The following NSMF variants were observed in gnomAD, a reference collection of about 807,000 sequenced individuals.
NSMF encodes NMDA receptor synaptonuclear signaling and neuronal migration factor, also known as nasal embryonic LHRH factor.
NSMF carries 31 observed loss-of-function variants against 71.0 expected under a neutral mutation model. That is an observed-to-expected ratio of 0.44 (90% CI 0.33 to 0.59). The LOEUF is 0.59. Among genes scored for constraint, NSMF ranks in the 20% least tolerant of loss-of-function variants. The pLI, the probability that NSMF is intolerant of heterozygous loss-of-function variation, is 0.04. For missense variants in NSMF, 673 were observed against 740.5 expected (o/e 0.91, Z 1.06); for synonymous variants, 345 against 287.1 (o/e 1.20, Z -2.04).
rs549847445 is a variant in NSMF, at chr9:137,455,380, C to T, written c.711-73G>A. The T allele has an allele frequency of 1.3e-5, 20 of 1,537,230 alleles. 1 individual carries two copies. In the South Asian group the frequency reaches 1.8e-4, roughly 14 times the overall value. On this transcript the variant is annotated intron_variant, in intron 5 of 15. Coordinates refer to ENST00000371475, the MANE Select transcript of NSMF (RefSeq NM_001130969.3). ...GGACACAGACGTCGGGACAGTGGTG[C>T]GAGCAGAGGGCCCAGCAGGGCGTCT...
In NSMF at chr9:137,453,582, C is replaced by T. The variant is rs886916925; in HGVS notation, c.922+149G>A. ...AGCCCCGCCTTTGCGATCGGAGATGCTGAGGGCGTCCCCATCTCACAAACA... is the reference window on the plus strand; with the variant it reads ...AGCCCCGCCTTTGCGATCGGAGATGTTGAGGGCGTCCCCATCTCACAAACA... On this transcript the variant is annotated intron_variant, in intron 8 of 15. Coordinates refer to ENST00000371475, the MANE Select transcript of NSMF (RefSeq NM_001130969.3). This position sits in a 1 kb window ranked among gnomAD's most constrained non-coding sequence, Gnocchi z 4.5. The T allele has an allele frequency of 1.5e-6, 1 of 659,476 alleles. No individual in the cohort carries two copies. The allele number at this position is 659,476 out of a possible 1,614,324, so 40.9% of individuals were successfully genotyped here.
Position 137,456,527 on chromosome 9 carries a change from G to A in NSMF, c.629-41C>T, listed in dbSNP as rs1407000187. ...AGGAGCGGTGGCTGGGTGAAGTAGGGGTTCCTGAAGCCTCTCCCTCCCTGT... is the reference window on the plus strand; with the variant it reads ...AGGAGCGGTGGCTGGGTGAAGTAGGAGTTCCTGAAGCCTCTCCCTCCCTGT... On this transcript the variant is annotated intron_variant, in intron 3 of 15. Transcript: ENST00000371475. 28 of 1,368,834 alleles carry A rather than the reference G, an allele frequency of 2.0e-5. No homozygotes were observed. In the Admixed American group the frequency reaches 4.4e-4, roughly 21 times the overall value. 84.8% of individuals were successfully genotyped at this position (1,368,834 alleles called of 1,614,324 possible). A position where few individuals can be genotyped will look rare whatever the true frequency, so the allele number is the denominator to read the frequency against.
rs1307504700 is a variant in NSMF at position 137,455,257 on chromosome 9, G to A, written c.761C>T (p.Ser254Phe). The change falls in exon 6 of 16, where the codon TCC becomes TTC. Residue 254 changes from serine to phenylalanine, a missense_variant. Ser to Phe is a radical substitution (Grantham distance 155). Transcript: ENST00000371475. ...ERKRRKRENDSASVIQRNFRK... is the reference protein window; with the variant it reads ...ERKRRKRENDFASVIQRNFRK... ...GCCCTACCTCTGGATTACAGACGCG[G>A]AATCATTCTCCCGTTTCCGGCGCTT... is the stretch of plus-strand genomic sequence containing the variant. 1 of 1,612,712 alleles carries A rather than the reference G, an allele frequency of 6.2e-7. No homozygotes were observed. Among genetic ancestry groups the A allele is most frequent in the African/African-American group, 1.3e-5 (1 of 74,950 alleles).
rs370402787 is a variant in NSMF, at chr9:137,450,147, C to G, written c.1316+29G>C. On this transcript the variant is annotated intron_variant, in intron 13 of 15. Coordinates refer to ENST00000371475, the MANE Select transcript of NSMF (RefSeq NM_001130969.3). ...GGGCCTGGACTCTGCCTCCAGCCCT[C>G]CCCGCGCCCAGGGCACCCGGCTTCT... 410 of 1,607,626 alleles carry G rather than the reference C, an allele frequency of 2.6e-4. 1 individual carries two copies. The highest frequency in any genetic ancestry group is 1.3e-3 in the Middle Eastern group (8 of 6,000).
chr9:137,455,398 G>T, intron 5 of NSMF, 91 bp from the exon 6 acceptor site: 1 of 1,432,542 alleles, frequency 7.0e-7, no homozygotes, highest in Non-Finnish European at 9.8e-7. Context: ...GGGCCCAGCA[G>T]GGCGTCTGGG....
At position 137,453,650 on chromosome 9, in the gene NSMF, CCTGGCAGGGGACCCCCAGCAGGGGT is replaced by C; in HGVS notation, c.922+56_922+80del. The C allele has an allele frequency of 1.8e-6, 2 of 1,132,348 alleles. No homozygotes were observed. The highest frequency in any genetic ancestry group is 5.2e-5 in the Admixed American group (2 of 38,768). The allele number at this position is 1,132,348 out of a possible 1,614,324, so 70.1% of individuals were successfully genotyped here. ...GAGTGCAAAAGCGCAGCCCAGCGGC[CCTGGCAGGGGACCCCCAGCAGGGGT>C]CTGGGGTCTAGGGGAGGCTCTGGGG... On this transcript the variant is annotated intron_variant, in intron 8 of 15. Coordinates refer to ENST00000371475, the MANE Select transcript of NSMF (RefSeq NM_001130969.3). The surrounding 1 kb of genome is among the most constrained non-coding windows in gnomAD (Gnocchi z 4.5).
At chr9:137,458,630 G>T in intron 1 of NSMF, 81 bp from the exon 2 acceptor site, 1 of 1,356,288 alleles carries the variant, frequency 7.4e-7, no homozygotes, top group Non-Finnish European at 1.0e-6. Flanking sequence ...CGGGGGTCCG[G>T]TCCCCAGCCA....
intron 12 of NSMF, among the ~76,000 whole-genome samples, chr9:137,451,966 G>A (rs74829725): frequency 0.13 from 401 of 3,156 alleles, 56 homozygotes; most frequent in Admixed American, 0.26. Flanking sequence ...CCAGCCACAC[G>A]CCTCTTCCCC....
Position 137,447,949 on chromosome 9 carries a change from C to A in NSMF, c.*1445G>T, listed in dbSNP as rs1485546840. ...CATACAGCCCTCTCCCTGGTGCCCT[C>A]AGGCGGCAGGGGGAACGGGCTGTCT... On this transcript the variant is annotated 3_prime_UTR_variant, in exon 16 of 16. Transcript: ENST00000371475. 6.6e-6 allele frequency: 1 copy of A among 152,252 alleles called. No individual in the cohort carries two copies. Among genetic ancestry groups the A allele is most frequent in the Non-Finnish European group, 1.5e-5 (1 of 68,082 alleles). The allele number at this position is 152,252 out of a possible 1,614,324, so 9.4% of individuals were successfully genotyped here. A position where few individuals can be genotyped will look rare whatever the true frequency, so the allele number is the denominator to read the frequency against.
intron 6 of NSMF, chr9:137,454,836 C>A: frequency 8.1e-7 from 1 of 1,237,644 alleles, no homozygotes; most frequent in South Asian, 1.5e-5. Flanking sequence ...CCATGGCGGG[C>A]TGGGGGCCTG....
rs199721047 is a variant in NSMF, at chr9:137,455,341, G to C, written c.711-34C>G. ...CCACCGCGAGTCAGCACTGCCCTTG[G>C]CCGGAGGCAGGAGGGACACAGACGT... On this transcript the variant is annotated intron_variant, in intron 5 of 15. Transcript: ENST00000371475. 40 of 1,609,220 alleles carry C rather than the reference G, an allele frequency of 2.5e-5. No homozygotes were observed. The African/African-American group carries it at 5.1e-4, about 20-fold the overall frequency.
chr9:137,459,021 G>A lies in NSMF; in HGVS notation c.71+11C>T. 2 of 1,282,722 alleles carry A rather than the reference G, an allele frequency of 1.6e-6. No homozygotes were observed. The highest frequency in any genetic ancestry group is 3.2e-5 in the East Asian group (1 of 31,044). The allele number at this position is 1,282,722 out of a possible 1,614,324, so 79.5% of individuals were successfully genotyped here. On this transcript the variant is annotated intron_variant, in intron 1 of 15. Coordinates refer to ENST00000371475, the MANE Select transcript of NSMF (RefSeq NM_001130969.3). ...GGGCGGGGTGCGGGAAGGCGGCCCC[G>A]CCGCACTCACCGCACTTTGGCCGCC...
Position 137,459,259 on chromosome 9 carries a change from G to A in NSMF, c.-157C>T, listed in dbSNP as rs879845230. On this transcript the variant is annotated 5_prime_UTR_variant, in exon 1 of 16. Transcript: ENST00000371475. ...GCTTGGGCTCGGGGTCGGGCTCGGG[G>A]TCGGGCCCGGTCCCCGCATGGCCGC... 2 of 353,084 alleles carry A rather than the reference G, an allele frequency of 5.7e-6. No homozygotes were observed. The highest frequency in any genetic ancestry group is 2.2e-5 in the African/African-American group (1 of 45,206). The allele number at this position is 353,084 out of a possible 1,614,324, so 21.9% of individuals were successfully genotyped here.
rs769555722 is a variant in NSMF at position 137,453,156 on chromosome 9, C to A, written c.947G>T (p.Cys316Phe). 6.2e-7 allele frequency: 1 copy of A among 1,612,662 alleles called. No homozygotes were observed. The highest frequency in any genetic ancestry group is 1.1e-5 in the South Asian group (1 of 91,086). ...RDSSDLQSSHCTLDEAFEDLD... is the reference protein window; with the variant it reads ...RDSSDLQSSHFTLDEAFEDLD... ...GTCCTCGAAGGCCTCGTCCAGCGTGCAGTGGGAGCTCTGCAGGTCACTGCC... is the reference window on the plus strand; with the variant it reads ...GTCCTCGAAGGCCTCGTCCAGCGTGAAGTGGGAGCTCTGCAGGTCACTGCC... Residue 316 changes from cysteine (C) to phenylalanine (F), a missense_variant, in exon 9 of 16, where the codon TGC (cysteine) becomes TTC (phenylalanine). This residue lies in a region of NSMF where 471 missense variants were observed against 459.6 expected (regional missense o/e 1.02). Transcript: ENST00000371475. This position sits in a 1 kb window ranked among gnomAD's most constrained non-coding sequence, Gnocchi z 4.5.
chr9:137,457,275 T>G, intron 3 of NSMF, 132 bp downstream of exon 3: 1 of 1,323,602 alleles, frequency 7.6e-7, no homozygotes, highest in Non-Finnish European at 1.1e-6. Flanking sequence ...CCGGTTTTAA[T>G]CTTGAGTCCG....
intron 3 of NSMF, 82 bp from the exon 4 acceptor site, chr9:137,456,568 T>C (rs551075920): frequency 4.9e-4 from 468 of 947,414 alleles, no homozygotes; most frequent in Non-Finnish European, 6.8e-4. Flanking sequence ...AGCAGATGCT[T>C]CTGGGTCCAG....
Position 137,453,007 on chromosome 9 carries a change from C to T in NSMF, c.1047+49G>A, listed in dbSNP as rs370454086. The T allele has an allele frequency of 1.2e-5, 19 of 1,609,192 alleles. No homozygotes were observed. Among genetic ancestry groups the T allele is most frequent in the East Asian group, 4.5e-5 (2 of 44,886 alleles). ...AGAGCTGGCTGGACTCGGGTTGGGGCGGAGTCCTGCTCGGGGTGTAGAGGA... is the reference window on the plus strand; with the variant it reads ...AGAGCTGGCTGGACTCGGGTTGGGGTGGAGTCCTGCTCGGGGTGTAGAGGA... On this transcript the variant is annotated intron_variant, in intron 9 of 15. Transcript: ENST00000371475. This position sits in a 1 kb window ranked among gnomAD's most constrained non-coding sequence, Gnocchi z 4.5.
rs1399298312 is a variant in NSMF, at chr9:137,449,037, C to T, written c.*357G>A. 6 of 417,328 alleles carry T rather than the reference C, an allele frequency of 1.4e-5. No individual in the cohort carries two copies. The highest frequency in any genetic ancestry group is 6.1e-5 in the African/African-American group (3 of 49,224). The allele number at this position is 417,328 out of a possible 1,614,324, so 25.9% of individuals were successfully genotyped here. A position where few individuals can be genotyped will look rare whatever the true frequency, so the allele number is the denominator to read the frequency against. ...GTGCTTAACTAGTTAACAAGAAATG[C>T]TGCTTCCCTTTGAATTGTTTCGGGG... On this transcript the variant is annotated 3_prime_UTR_variant, in exon 16 of 16. Transcript: ENST00000371475.
At position 137,448,436 on chromosome 9, in the gene NSMF, A is replaced by G. The variant is rs1588487933; in HGVS notation, c.*958T>C. 1 of 152,406 alleles carries G rather than the reference A, an allele frequency of 6.6e-6. No homozygotes were observed. Among genetic ancestry groups the G allele is most frequent in the South Asian group, 2.1e-4 (1 of 4,832 alleles). 9.4% of individuals were successfully genotyped at this position (152,406 alleles called of 1,614,324 possible). ...ACAAAAGCTGGGAGCTCCTGTGCCC[A>G]GTCAGGAGCCCCTACAGTCCACCAG... On this transcript the variant is annotated 3_prime_UTR_variant, in exon 16 of 16. Transcript: ENST00000371475. This position sits in a 1 kb window ranked among gnomAD's most constrained non-coding sequence, Gnocchi z 5.3.
Sources: gnomAD v4.1 joint callset for allele counts (sites outside exome capture counted in the v4.1 genomes callset) on GRCh38, gnomAD v4.1.1 for gene constraint, gnomAD v4.1.1 regional missense constraint, Gnocchi (gnomAD v3.1) non-coding constraint, MANE v1.5 for transcripts, NCBI Gene and HGNC (gene_info 2026-07-23, HGNC 2026-07-21) for gene names.